WASF2: variants seen among roughly 807,000 people sequenced by gnomAD.
The protein encoded by WASF2 is WASP family member 2.
WASF2 carries 14 observed loss-of-function variants against 45.0 expected under a neutral mutation model. The ratio of observed to expected loss-of-function variants is 0.31; its 90% CI spans 0.21 to 0.49. The LOEUF (loss-of-function observed/expected upper bound fraction) is 0.49, where lower values mean the gene tolerates loss of function less well. Among genes scored for constraint, WASF2 ranks in the 20% least tolerant of loss-of-function variants. The pLI is 0.99. For synonymous variants in WASF2, 200 were observed against 236.3 expected, an observed-to-expected ratio of 0.85 and a Z score of 1.41; for missense variants, 439 against 636.1, an observed-to-expected ratio of 0.69 and a Z score of 3.33.
intron 6 of WASF2, among the ~76,000 whole-genome samples, chr1:27,413,427 T>C (rs1180194869): frequency 6.6e-6 from 1 of 152,142 alleles, no homozygotes; most frequent in Non-Finnish European, 1.5e-5. Context: ...TAGCAAAATC[T>C]GGCCTGCTCT....
chr1:27,430,350 AT>A (rs1160983496), intron 1 of WASF2, among the ~76,000 whole-genome samples: 5 of 151,794 alleles, frequency 3.3e-5, no homozygotes, highest in Admixed American at 2.0e-4. Context: ...TAAGTCCTCA[AT>A]TTTTTTTCTT....
intron 1 of WASF2, among the ~76,000 whole-genome samples, chr1:27,486,750 C>G (rs987189894): frequency 2.0e-5 from 3 of 151,934 alleles, no homozygotes; most frequent in Non-Finnish European, 4.4e-5. Flanking sequence ...ATGGCAAAAC[C>G]CTATCTCTAC....
At chr1:27,481,350 T>C (rs962357777) in intron 1 of WASF2, among the ~76,000 whole-genome samples, 3 of 151,254 alleles carry the variant, frequency 2.0e-5, no homozygotes, top group South Asian at 2.1e-4. Context: ...TTCACTCAAA[T>C]TGGAAATGAG....
At chr1:27,436,947 A>C (rs978524305) in intron 1 of WASF2, among the ~76,000 whole-genome samples, 2 of 152,230 alleles carry the variant, frequency 1.3e-5, no homozygotes, top group South Asian at 2.1e-4. Flanking sequence ...GCCTACATCC[A>C]ATCAGTGTAG....
chr1:27,430,134 A>C (rs1275879041), intron 1 of WASF2, among the ~76,000 whole-genome samples: 1 of 152,242 alleles, frequency 6.6e-6, no homozygotes, highest in Non-Finnish European at 1.5e-5. Context: ...TTTTAGATTT[A>C]GATTACCGAA....
chr1:27,483,506 C>A (rs149015065), intron 1 of WASF2, among the ~76,000 whole-genome samples: 1 of 151,870 alleles, frequency 6.6e-6, no homozygotes. Context: ...CATGGTGGCA[C>A]GCACCTGTAA....
chr1:27,453,782 T>TG (rs1339130810), intron 1 of WASF2, among the ~76,000 whole-genome samples: 1 of 150,888 alleles, frequency 6.6e-6, no homozygotes, highest in Non-Finnish European at 1.5e-5. Context: ...TCCCAGCTAC[T>TG]GGGGGGCTAA....
chr1:27,409,631 C>T (rs2016732613), intron 8 of WASF2, 61 bp downstream of exon 8: 2 of 1,399,094 alleles, frequency 1.4e-6, no homozygotes, highest in East Asian at 5.2e-5. Context: ...ATCCCCCAAT[C>T]AGTCATCCCA....
At chr1:27,411,780 A>G (rs925098332) in intron 7 of WASF2, among the ~76,000 whole-genome samples, 5 of 152,242 alleles carry the variant, frequency 3.3e-5, no homozygotes, top group African/African-American at 1.2e-4. Flanking sequence ...AGAGAATGGC[A>G]TGAACCCGGG....
At chr1:27,456,948 G>T (rs910126215) in intron 1 of WASF2, among the ~76,000 whole-genome samples, 2 of 151,856 alleles carry the variant, frequency 1.3e-5, no homozygotes, top group Non-Finnish European at 2.9e-5. Context: ...TGTCATGTTG[G>T]CCAGGCTGGT....
intron 2 of WASF2, 66 bp from the exon 3 acceptor site, chr1:27,419,154 C>A: frequency 6.3e-7 from 1 of 1,584,726 alleles, no homozygotes; most frequent in South Asian, 1.1e-5. Flanking sequence ...CAAAAACTGG[C>A]TACTAAAGAT....
At chr1:27,419,831 T>C (rs1041174690) in intron 2 of WASF2, among the ~76,000 whole-genome samples, 1 of 152,170 alleles carries the variant, frequency 6.6e-6, no homozygotes, top group African/African-American at 2.4e-5. Flanking sequence ...CCTGAGCTTA[T>C]CAACAAGCCA....
rs537410832 is a variant in WASF2, at chr1:27,467,694, C to T, written c.-44+22292G>A. 3.3e-5 allele frequency among the ~76,000 whole-genome samples: 5 copies of T among 151,248 alleles called. No homozygotes were observed. In the East Asian group the frequency reaches 1.0e-3, roughly 30 times the overall value. ...TTAGGAGGCCGAGGTGGGCGGATCA[C>T]GAGGTCAGGAGATGGAGACCAGCCT... On this transcript the variant is annotated intron_variant, in intron 1 of 8. Coordinates refer to ENST00000618852, the MANE Select transcript of WASF2 (RefSeq NM_006990.5).
In WASF2 at chr1:27,410,022, G is replaced by A; in HGVS notation, c.1009C>T (p.Pro337Ser). The change falls in exon 8 of 9, where the codon CCG becomes TCG. Residue 337 changes from proline (P) to serine (S), a missense_variant. Around this residue, in one of 5 missense-constraint regions of WASF2, gnomAD observed 286 missense variants for 373.5 expected, o/e 0.77. Coordinates refer to ENST00000618852, the MANE Select transcript of WASF2 (RefSeq NM_006990.5). The surrounding 1 kb of genome is among the most constrained non-coding windows in gnomAD (Gnocchi z 4.2). The stretch of plus-strand genomic sequence containing the variant: ...CCTGGAGACCCAAATCCTACAGGCG[G>A]TGGTGGAGGTGGGATGCCTATCATT... Reference protein sequence around the residue: ...PPMIGIPPPPPPVGFGSPGTP... With the variant: ...PPMIGIPPPPSPVGFGSPGTP... The A allele has an allele frequency of 6.2e-7, 1 of 1,613,916 alleles. No individual in the cohort carries two copies.
chr1:27,477,558 T>C (rs1251990104), intron 1 of WASF2, among the ~76,000 whole-genome samples: 6 of 148,420 alleles, frequency 4.0e-5, no homozygotes, highest in Admixed American at 2.7e-4. Flanking sequence ...AAAAATAATC[T>C]GTTGCAATGA....
chr1:27,450,321 T>G (rs777366068), intron 1 of WASF2, among the ~76,000 whole-genome samples: 29 of 152,136 alleles, frequency 1.9e-4, no homozygotes, highest in Non-Finnish European at 3.7e-4. Context: ...GAATAAGTCA[T>G]GATAATTAGC....
At chr1:27,434,858 C>T (rs1270533805) in intron 1 of WASF2, among the ~76,000 whole-genome samples, 1 of 152,166 alleles carries the variant, frequency 6.6e-6, no homozygotes, top group Admixed American at 6.5e-5. Context: ...GCCATGATGG[C>T]ATTCGTGCTT....
intron 7 of WASF2, among the ~76,000 whole-genome samples, chr1:27,411,815 A>C (rs894870711): frequency 1.3e-5 from 2 of 152,252 alleles, no homozygotes; most frequent in Non-Finnish European, 2.9e-5. Flanking sequence ...GTTAGCCAAG[A>C]TCGCGCCATT....
At chr1:27,484,292 T>C (rs2017893893) in intron 1 of WASF2, among the ~76,000 whole-genome samples, 1 of 152,126 alleles carries the variant, frequency 6.6e-6, no homozygotes, top group Non-Finnish European at 1.5e-5. Context: ...GTTTTGAAAA[T>C]GTGCTAGTAG....
Sources: gnomAD v4.1 joint callset for allele counts (sites outside exome capture counted in the v4.1 genomes callset) on GRCh38, gnomAD v4.1.1 for gene constraint, gnomAD v4.1.1 regional missense constraint, Gnocchi (gnomAD v3.1) non-coding constraint, MANE v1.5 for transcripts, NCBI Gene and HGNC (gene_info 2026-07-23, HGNC 2026-07-21) for gene names.